The following PTPRM variants were observed in gnomAD, a reference collection of about 807,000 sequenced individuals.
PTPRM encodes the protein protein tyrosine phosphatase receptor type M.
PTPRM carries 47 observed loss-of-function variants against 186.7 expected under a neutral mutation model. The observed-to-expected ratio is 0.25, with a 90% CI of 0.20 to 0.32. The LOEUF (loss-of-function observed/expected upper bound fraction) is 0.32, where lower values mean the gene tolerates loss of function less well. Among genes scored for constraint, PTPRM ranks in the 10% least tolerant of loss-of-function variants. The pLI is 1.00. For missense variants in PTPRM, 1,494 were observed against 1,865.0 expected (o/e 0.80, Z 3.66); for synonymous variants, 668 against 674.9 (o/e 0.99, Z 0.16).
chr18:7,835,845 TTTTTGTTTTGTTTTG>T (rs201053851), intron 2 of PTPRM, among the ~76,000 whole-genome samples: 19 of 151,778 alleles, frequency 1.3e-4, no homozygotes, highest in African/African-American at 4.1e-4. Flanking sequence ...CTTAAAGTTT[TTTTTGTTTTGTTTTG>T]TTTTGTTTTG....
chr18:7,631,353 C>T (rs1159643283), intron 1 of PTPRM, among the ~76,000 whole-genome samples: 4 of 151,688 alleles, frequency 2.6e-5, no homozygotes, highest in Admixed American at 2.0e-4. Flanking sequence ...GCTTGCTTTT[C>T]TATAATAGTG....
chr18:8,035,686 G>A (rs1208951152), intron 7 of PTPRM, among the ~76,000 whole-genome samples: 2 of 151,722 alleles, frequency 1.3e-5, no homozygotes, highest in Non-Finnish European at 2.9e-5. Flanking sequence ...CCCATGTTAC[G>A]TGTTCTCTCC....
chr18:8,371,215 C>T (rs1054865689), intron 24 of PTPRM, among the ~76,000 whole-genome samples: 3 of 152,182 alleles, frequency 2.0e-5, no homozygotes, highest in Non-Finnish European at 4.4e-5. Flanking sequence ...TCATAAGAAT[C>T]TATATTTTGC....
At chr18:7,661,047 G>A (rs570618313) in intron 1 of PTPRM, among the ~76,000 whole-genome samples, 2 of 152,266 alleles carry the variant, frequency 1.3e-5, no homozygotes, top group African/African-American at 4.8e-5. Flanking sequence ...CTTAGTGACA[G>A]GATGAATCAC....
chr18:7,984,913 TTATA>T (rs2082793317), intron 7 of PTPRM, among the ~76,000 whole-genome samples: 2 of 114,764 alleles, frequency 1.7e-5, no homozygotes, highest in African/African-American at 3.5e-5. Context: ...ATACATATAA[TTATA>T]TATACATATA....
At chr18:8,395,914 A>G (rs2095843275) in intron 32 of PTPRM, among the ~76,000 whole-genome samples, 1 of 152,258 alleles carries the variant, frequency 6.6e-6, no homozygotes, top group South Asian at 2.1e-4. Context: ...CCATGAGCTC[A>G]CTGAGGTACC....
intron 14 of PTPRM, among the ~76,000 whole-genome samples, chr18:8,184,054 C>T (rs2093612217): frequency 6.6e-6 from 1 of 152,194 alleles, no homozygotes; most frequent in African/African-American, 2.4e-5. Flanking sequence ...TTTCCCTGTA[C>T]TGCATCCTCT....
At chr18:8,054,024 G>T (rs2087707281) in intron 7 of PTPRM, among the ~76,000 whole-genome samples, 1 of 151,784 alleles carries the variant, frequency 6.6e-6, no homozygotes, top group African/African-American at 2.4e-5. Flanking sequence ...TAACTTGTAG[G>T]TCCTGCTTGT....
At chr18:7,598,064 G>A (rs1257043270) in intron 1 of PTPRM, among the ~76,000 whole-genome samples, 1 of 152,114 alleles carries the variant, frequency 6.6e-6, no homozygotes, top group Non-Finnish European at 1.5e-5. Context: ...TGGGGTTTAG[G>A]TATAAATTTA....
chr18:8,221,651 A>G (rs1162214916), intron 14 of PTPRM, among the ~76,000 whole-genome samples: 1 of 152,186 alleles, frequency 6.6e-6, no homozygotes, highest in African/African-American at 2.4e-5. Flanking sequence ...TTTGCCTGTG[A>G]GTGGATGAAG....
At chr18:8,379,393 G>A in intron 28 of PTPRM, 53 bp downstream of exon 28, 1 of 1,510,138 alleles carries the variant, frequency 6.6e-7, no homozygotes, top group African/African-American at 1.4e-5. Context: ...TGGGGAGACT[G>A]CAGAACAGGC....
intron 7 of PTPRM, among the ~76,000 whole-genome samples, chr18:8,064,715 T>C (rs1335100176): frequency 6.6e-6 from 1 of 152,200 alleles, no homozygotes; most frequent in Non-Finnish European, 1.5e-5. Context: ...CAAGGTACTT[T>C]TTAAACTCTG....
intron 2 of PTPRM, among the ~76,000 whole-genome samples, chr18:7,857,489 T>C (rs1418211695): frequency 2.0e-5 from 3 of 152,178 alleles, no homozygotes; most frequent in Non-Finnish European, 2.9e-5. Context: ...AGAAATATTA[T>C]TGCAACAAAT....
chr18:8,379,580 C>A (rs997218062), intron 28 of PTPRM, among the ~76,000 whole-genome samples: 1 of 152,182 alleles, frequency 6.6e-6, no homozygotes, highest in East Asian at 1.9e-4. Flanking sequence ...CACAGTTGCC[C>A]TCTGAGAGCT....
intron 1 of PTPRM, among the ~76,000 whole-genome samples, chr18:7,630,385 G>A (rs913538237): frequency 6.6e-6 from 1 of 152,114 alleles, no homozygotes; most frequent in African/African-American, 2.4e-5. Flanking sequence ...GGATTCCTTG[G>A]CCTGGATGTC....
At chr18:8,193,572 C>G (rs1216063844) in intron 14 of PTPRM, among the ~76,000 whole-genome samples, 1 of 152,230 alleles carries the variant, frequency 6.6e-6, no homozygotes, top group Non-Finnish European at 1.5e-5. Flanking sequence ...CAGATGCCCT[C>G]CCCACAGGGG....
chr18:8,076,226 CTCTG>C (rs1370010128), intron 8 of PTPRM, among the ~76,000 whole-genome samples: 1 of 151,966 alleles, frequency 6.6e-6, no homozygotes, highest in Non-Finnish European at 1.5e-5. Context: ...TGGGACTGAG[CTCTG>C]TCTAATTGAT....
At chr18:7,649,039 GT>G (rs2144255860) in intron 1 of PTPRM, among the ~76,000 whole-genome samples, 1 of 152,316 alleles carries the variant, frequency 6.6e-6, no homozygotes, top group South Asian at 2.1e-4. Context: ...GTGACTTTAA[GT>G]TGAAGCCAAT....
chr18:8,097,291 T>C (rs900014289), intron 11 of PTPRM, among the ~76,000 whole-genome samples: 3 of 151,982 alleles, frequency 2.0e-5, no homozygotes, highest in South Asian at 2.1e-4. Flanking sequence ...GATTAGGGAG[T>C]GGTTTTGGTG....
Sources: allele counts gnomAD v4.1 joint callset (sites outside exome capture counted in the v4.1 genomes callset), GRCh38; gene constraint gnomAD v4.1.1; transcripts MANE v1.5; gene names NCBI Gene and HGNC (gene_info 2026-07-23, HGNC 2026-07-21).